The following SRI variants were observed in gnomAD, a reference collection of about 807,000 sequenced individuals.
The protein encoded by SRI is 22 kDa protein.
In SRI, 30 loss-of-function variants were observed where a neutral mutation model predicts 33.3. The observed-to-expected ratio is 0.90, with a 90% CI of 0.67 to 1.22. The LOEUF (loss-of-function observed/expected upper bound fraction) is 1.22. Among genes scored for constraint, SRI ranks in the 50% most tolerant of loss-of-function variants. The pLI, the probability that SRI is intolerant of heterozygous loss-of-function variation, is 0.00. For missense variants in SRI, 243 were observed against 250.8 expected, an observed-to-expected ratio of 0.97 and a Z score of 0.21; for synonymous variants, 75 against 89.9, an observed-to-expected ratio of 0.83 and a Z score of 0.94.
Position 88,205,203 on chromosome 7 carries a change from GAT to G in SRI, c.*1273_*1274del, listed in dbSNP as rs1851414198. 3.3e-5 allele frequency: 5 copies of G among 152,282 alleles called. No individual in the cohort carries two copies. The South Asian group carries it at 1.0e-3, about 32-fold the overall frequency. The allele number at this position is 152,282 out of a possible 1,614,324, so 9.4% of individuals were successfully genotyped here. ...TCACACTGCATCCTAAAATAAGACA[GAT>G]ACTCTGCTGGCAAGTAGAAAATAGA... On this transcript the variant is annotated 3_prime_UTR_variant, in exon 8 of 8. Transcript: ENST00000265729.
At chr7:88,215,951 T>C (rs1851699939) in intron 3 of SRI, among the ~76,000 whole-genome samples, 1 of 152,254 alleles carries the variant, frequency 6.6e-6, no homozygotes, top group African/African-American at 2.4e-5. Flanking sequence ...ACTTCATATG[T>C]GTTGGATGAT....
Position 88,210,522 on chromosome 7 carries a change from G to A in SRI, c.249+360C>T, listed in dbSNP as rs201512024. On this transcript the variant is annotated intron_variant, in intron 4 of 7. Transcript: ENST00000265729. The stretch of plus-strand genomic sequence containing the variant: ...TAGTGCCCCCAGACAAATGAGGTGG[G>A]ATGGAATGCACTGGATAGTCAGCAC... 13 of 384,680 alleles carry A rather than the reference G, an allele frequency of 3.4e-5. No individual in the cohort carries two copies. In the East Asian group the frequency reaches 7.3e-4, roughly 22 times the overall value. 23.8% of individuals were successfully genotyped at this position (384,680 alleles called of 1,614,324 possible). A position where few individuals can be genotyped will look rare whatever the true frequency, so the allele number is the denominator to read the frequency against.
chr7:88,216,468 AT>A (rs35332761), intron 3 of SRI, among the ~76,000 whole-genome samples: 5 of 152,178 alleles, frequency 3.3e-5, no homozygotes, highest in Admixed American at 3.3e-4. Flanking sequence ...GCAACCACTT[AT>A]GTTAGCAGGA....
chr7:88,223,228 A>C (rs1851928595), upstream of SRI, among the ~76,000 whole-genome samples: 1 of 152,248 alleles, frequency 6.6e-6, no homozygotes, highest in South Asian at 2.1e-4. Context: ...ATACCATCAG[A>C]CATATATATA....
chr7:88,219,537 G>GTT (rs529955240), intron 1 of SRI: 117 of 185,674 alleles, frequency 6.3e-4, no homozygotes, highest in African/African-American at 2.7e-3. Flanking sequence ...CTTCTCACTC[G>GTT]TTTTTTGTTT....
At chr7:88,211,169 T>C (rs557270337) in intron 3 of SRI, among the ~76,000 whole-genome samples, 95 of 152,296 alleles carry the variant, frequency 6.2e-4, no homozygotes, top group African/African-American at 2.2e-3. Context: ...AAGTATTACA[T>C]AGTCCGGGTA....
upstream of SRI, among the ~76,000 whole-genome samples, chr7:88,222,731 C>G (rs1048022839): frequency 4.0e-4 from 61 of 151,916 alleles, no homozygotes; most frequent in African/African-American, 1.5e-3. Flanking sequence ...ACAAACCTGA[C>G]AAAAAGAAGA....
chr7:88,209,922 T>TA (rs1264094430), intron 5 of SRI, 61 bp downstream of exon 5: 2 of 1,610,966 alleles, frequency 1.2e-6, no homozygotes, highest in Non-Finnish European at 8.5e-7. Context: ...AGCCTGGTTT[T>TA]AAAAATAAAA....
At chr7:88,218,815 A>T in intron 2 of SRI, 44 bp downstream of exon 2, 2 of 1,584,706 alleles carry the variant, frequency 1.3e-6, no homozygotes, top group Non-Finnish European at 1.7e-6. Flanking sequence ...GCTACCACAA[A>T]TGCAGACAAT....
intron 4 of SRI, 69 bp from the exon 5 acceptor site, chr7:88,210,199 A>G: frequency 6.5e-7 from 1 of 1,538,850 alleles, no homozygotes; most frequent in African/African-American, 1.4e-5. Context: ...AAGATCAAGG[A>G]TAAGGGGAAT....
At chr7:88,219,147 A>G (rs1339161475) in intron 1 of SRI, 4 of 593,484 alleles carry the variant, frequency 6.7e-6, no homozygotes, top group Non-Finnish European at 1.2e-5. Context: ...GACTTAGACC[A>G]TAAAGAGTTG....
At position 88,217,124 on chromosome 7, in the gene SRI, T is replaced by C; in HGVS notation, c.203A>G (p.Lys68Arg). 1 of 1,613,800 alleles carries C rather than the reference T, an allele frequency of 6.2e-7. No homozygotes were observed. The highest frequency in any genetic ancestry group is 8.5e-7 in the Non-Finnish European group (1 of 1,179,958). Residue 68 changes from lysine (K) to arginine (R), a missense_variant and splice_region_variant, in exon 3 of 8, where the codon AAA becomes AGA. Transcript: ENST00000265729. ...LTQSGIAGGY[K>R]PFNLETCRLM... ...AAACTTTGGGACTGTCAACTTACGTTTGTATCCTCCAGCAATGCCAGACTG... is the reference window on the plus strand; with the variant it reads ...AAACTTTGGGACTGTCAACTTACGTCTGTATCCTCCAGCAATGCCAGACTG...
upstream of SRI, among the ~76,000 whole-genome samples, chr7:88,221,576 A>G (rs1335754619): frequency 6.6e-6 from 1 of 152,252 alleles, no homozygotes; most frequent in Non-Finnish European, 1.5e-5. Flanking sequence ...AGTATAAAGC[A>G]TATAAAATAT....
chr7:88,208,630 T>TA (rs1851492719), intron 6 of SRI, 65 bp from the exon 7 acceptor site: 1 of 1,593,716 alleles, frequency 6.3e-7, no homozygotes, highest in African/African-American at 1.3e-5. Flanking sequence ...TCATAAAAGT[T>TA]AGTTATTTTG....
upstream of SRI, among the ~76,000 whole-genome samples, chr7:88,223,439 A>G (rs1203584950): frequency 1.3e-5 from 2 of 152,112 alleles, no homozygotes; most frequent in East Asian, 1.9e-4. Context: ...AGGGCCAGGT[A>G]GTAAATATTT....
chr7:88,211,513 T>C (rs1297530713), intron 3 of SRI, among the ~76,000 whole-genome samples: 1 of 152,086 alleles, frequency 6.6e-6, no homozygotes, highest in Non-Finnish European at 1.5e-5. Context: ...AACTGTAATA[T>C]AGCGAGTTCA....
intron 1 of SRI, among the ~76,000 whole-genome samples, chr7:88,226,315 G>A (rs953018016): frequency 1.3e-5 from 2 of 152,124 alleles, no homozygotes; most frequent in African/African-American, 4.8e-5. Flanking sequence ...GGTAGAGCAG[G>A]GTAGGAACCC....
chr7:88,220,901 A>G (rs1203244594), upstream of SRI, among the ~76,000 whole-genome samples: 1 of 152,228 alleles, frequency 6.6e-6, no homozygotes, highest in Admixed American at 6.5e-5. Context: ...ACTTCTATGT[A>G]GGTTATTCTT....
At chr7:88,208,432 C>CATT (rs1197671385) in intron 7 of SRI, 75 bp downstream of exon 7, 63 of 1,583,324 alleles carry the variant, frequency 4.0e-5, no homozygotes, top group Non-Finnish European at 5.2e-5. Flanking sequence ...ATATTCTTAA[C>CATT]AGCTAATTTC....
Sources: gnomAD v4.1 joint callset for allele counts (sites outside exome capture counted in the v4.1 genomes callset) on GRCh38, gnomAD v4.1.1 for gene constraint, MANE v1.5 for transcripts, NCBI Gene and HGNC (gene_info 2026-07-23, HGNC 2026-07-21) for gene names.